PAK4: variants seen among roughly 807,000 people sequenced by gnomAD.
PAK4 encodes the protein serine/threonine-protein kinase PAK 4.
A neutral mutation model predicts 53.5 loss-of-function variants in PAK4; 49 were observed. The observed-to-expected ratio is 0.92, with a 90% CI of 0.73 to 1.16. The LOEUF is 1.16. Ranked by LOEUF, PAK4 falls within the 50% of genes most tolerant of loss-of-function variation. PAK4 has a pLI of 0.00. For missense variants in PAK4, 824 were observed against 850.7 expected, an observed-to-expected ratio of 0.97 and a Z score of 0.39; for synonymous variants, 376 against 375.6, an observed-to-expected ratio of 1.00 and a Z score of -0.01.
chr19:39,177,708 G>T lies in PAK4; in HGVS notation c.1519G>T (p.Glu507Ter). The change falls in exon 8 of 9, where the codon GAG becomes TAG. Residue 507 changes from glutamate to a stop codon, truncating the protein, a stop_gained. Coordinates refer to ENST00000358301, the Ensembl canonical transcript of PAK4. LOFTEE classifies it high-confidence loss of function. ...CTGGTCGCTGGGGATAATGGTGATTGAGATGGTGGACGGAGAGCCCCCCTA... is the reference window on the plus strand; with the variant it reads ...CTGGTCGCTGGGGATAATGGTGATTTAGATGGTGGACGGAGAGCCCCCCTA... The T allele has an allele frequency of 6.2e-7, 1 of 1,613,614 alleles. No individual in the cohort carries two copies. Among genetic ancestry groups the T allele is most frequent in the Non-Finnish European group, 8.5e-7 (1 of 1,179,616 alleles).
intron 1 of PAK4, among the ~76,000 whole-genome samples, chr19:39,154,674 C>T (rs1478316884): frequency 1.3e-5 from 2 of 152,188 alleles, no homozygotes; most frequent in Non-Finnish European, 2.9e-5. Flanking sequence ...TTGGGGACCT[C>T]GTTTCCTGTG....
intron 1 of PAK4, among the ~76,000 whole-genome samples, chr19:39,145,812 AC>A (rs2073990201): frequency 1.6e-5 from 2 of 125,362 alleles, no homozygotes. Context: ...GCCCACCCTC[AC>A]CCGCCCTGTT....
At chr19:39,162,589 C>G (rs955751623) in intron 1 of PAK4, among the ~76,000 whole-genome samples, 2 of 152,086 alleles carry the variant, frequency 1.3e-5, no homozygotes, top group African/African-American at 4.8e-5. Context: ...ATTGAGAATT[C>G]CAGCCTCCCC....
chr19:39,132,579 G>A (rs1027992288), intron 1 of PAK4, among the ~76,000 whole-genome samples: 2 of 152,268 alleles, frequency 1.3e-5, no homozygotes, highest in African/African-American at 4.8e-5. Flanking sequence ...CTGTGCTGAT[G>A]GCCATCAGGC....
downstream of PAK4, chr19:39,182,158 C>G (rs550113445): frequency 6.6e-6 from 1 of 152,336 alleles, no homozygotes; most frequent in East Asian, 1.9e-4. Context: ...GTCCTTCCGT[C>G]TTTTTCCTTC....
chr19:39,177,840 G>T (rs754008285), intron 8 of PAK4, 31 bp downstream of exon 9: 2 of 1,586,230 alleles, frequency 1.3e-6, no homozygotes. Context: ...GAAACTGTGC[G>T]CCAGCTGGCG....
intron 1 of PAK4, among the ~76,000 whole-genome samples, chr19:39,147,568 A>G (rs1481188104): frequency 6.6e-6 from 1 of 152,226 alleles, no homozygotes; most frequent in East Asian, 1.9e-4. Flanking sequence ...GAAAACCATC[A>G]AAACCATTTT....
rs1372290524 is a variant in PAK4 at position 39,175,108 on chromosome 19, C to T, written c.1232+44C>T. ...ACCCCTCCTGTGACACGACCAAGTC[C>T]CCTCCAGACCACTAGGGGTGGGGCC... On this transcript the variant is annotated intron_variant, in intron 5 of 8. Transcript: ENST00000358301. This position sits in a 1 kb window ranked among gnomAD's most constrained non-coding sequence, Gnocchi z 4.7. 1.3e-6 allele frequency: 2 copies of T among 1,571,902 alleles called. No homozygotes were observed. Among genetic ancestry groups the T allele is most frequent in the South Asian group, 1.2e-5 (1 of 83,218 alleles).
chr19:39,138,343 G>A (rs1223058933), intron 1 of PAK4, among the ~76,000 whole-genome samples: 2 of 152,182 alleles, frequency 1.3e-5, no homozygotes, highest in African/African-American at 4.8e-5. Context: ...ATGAGCCACT[G>A]TAATGGGCAT....
chr19:39,149,730 C>T (rs1347609231), intron 1 of PAK4, among the ~76,000 whole-genome samples: 1 of 152,086 alleles, frequency 6.6e-6, no homozygotes, highest in Non-Finnish European at 1.5e-5. Context: ...GTGGTGGGCG[C>T]CTGTAGTCCC....
At position 39,172,716 on chromosome 19, in the gene PAK4, C is replaced by T. The variant is rs112230792; in HGVS notation, c.205-202C>T. ...GGGGCAGCAGCCTGGCCATGGCGAT[C>T]ACTCCTCTGGCCCCTGCAGCTGTGT... On this transcript the variant is annotated intron_variant, in intron 2 of 8. Coordinates refer to ENST00000358301, the Ensembl canonical transcript of PAK4. 1.9e-3 allele frequency among the ~76,000 whole-genome samples: 287 copies of T among 152,164 alleles called. 3 individuals carry two copies. Among genetic ancestry groups the T allele is most frequent in the African/African-American group, 6.6e-3 (275 of 41,510 alleles).
chr19:39,172,058 G>A (rs544369182), intron 2 of PAK4, among the ~76,000 whole-genome samples: 1 of 152,366 alleles, frequency 6.6e-6, no homozygotes, highest in Admixed American at 6.5e-5. Context: ...AGGGGCCGGG[G>A]AGGGCAGGGG....
intron 1 of PAK4, among the ~76,000 whole-genome samples, chr19:39,144,405 C>T (rs1256112434): frequency 6.6e-6 from 1 of 152,220 alleles, no homozygotes; most frequent in Non-Finnish European, 1.5e-5. Context: ...TCACTGCTGT[C>T]CTGTCTCCAG....
Position 39,173,931 on chromosome 19 carries a change from T to TGC in PAK4, c.1022_1023dup (p.Ser342AlafsTer28). 1 of 1,611,640 alleles carries TGC rather than the reference T, an allele frequency of 6.2e-7. No homozygotes were observed. Among genetic ancestry groups the TGC allele is most frequent in the Non-Finnish European group, 8.5e-7 (1 of 1,179,502 alleles). On this transcript the variant is annotated frameshift_variant, in exon 4 of 9. Transcript: ENST00000358301. LOFTEE classifies it high-confidence loss of function. This position sits in a 1 kb window ranked among gnomAD's most constrained non-coding sequence, Gnocchi z 6.9. Reference sequence around the variant, plus strand: ...ACGGGCATCGTGTGCATCGCCACCGTGCGCAGCTCGGGCAAGCTGGTGGCC... The same window carrying TGC: ...ACGGGCATCGTGTGCATCGCCACCGTGCGCGCAGCTCGGGCAAGCTGGTGGCC...
In PAK4 at chr19:39,161,901, C is replaced by T. The variant is rs1205129290; in HGVS notation, c.-22-7631C>T. Among the ~76,000 whole-genome samples, 1 of 152,062 alleles carries T rather than the reference C, an allele frequency of 6.6e-6. No individual in the cohort carries two copies. Among genetic ancestry groups the T allele is most frequent in the African/African-American group, 2.4e-5 (1 of 41,416 alleles). ...CCCTCTCCCCTCCTCACGCAGGTCC[C>T]TGCTCACGTGTCCCCTTCTCAGCAA... On this transcript the variant is annotated intron_variant, in intron 1 of 8. Transcript: ENST00000358301. This position sits in a 1 kb window ranked among gnomAD's most constrained non-coding sequence, Gnocchi z 4.5.
chr19:39,142,508 A>T (rs929751500), intron 1 of PAK4, among the ~76,000 whole-genome samples: 1 of 152,206 alleles, frequency 6.6e-6, no homozygotes, highest in African/African-American at 2.4e-5. Flanking sequence ...ACCCAGATCC[A>T]GCAGAAGTAG....
chr19:39,167,036 G>A (rs1020678692), intron 1 of PAK4, among the ~76,000 whole-genome samples: 1 of 152,248 alleles, frequency 6.6e-6, no homozygotes, highest in East Asian at 1.9e-4. Flanking sequence ...AGGCGTCGGA[G>A]GACATCCCCC....
At chr19:39,157,776 G>T (rs2144751221) in intron 1 of PAK4, among the ~76,000 whole-genome samples, 1 of 152,346 alleles carries the variant, frequency 6.6e-6, no homozygotes, top group Non-Finnish European at 1.5e-5. Flanking sequence ...GCTGTTGCCG[G>T]CTAGCCGGGA....
intron 1 of PAK4, among the ~76,000 whole-genome samples, chr19:39,167,692 C>T (rs1243262293): frequency 1.3e-5 from 2 of 152,158 alleles, no homozygotes; most frequent in Non-Finnish European, 2.9e-5. Context: ...CACCCCCCTC[C>T]CACGGGGCTC....
Sources: allele counts gnomAD v4.1 joint callset (sites outside exome capture counted in the v4.1 genomes callset), GRCh38; gene constraint gnomAD v4.1.1; non-coding constraint Gnocchi (gnomAD v3.1); transcripts MANE v1.5; gene names NCBI Gene and HGNC (gene_info 2026-07-23, HGNC 2026-07-21).